FRY: variants seen among roughly 807,000 people sequenced by gnomAD.
FRY encodes the protein FRY microtubule binding protein, also known as protein furry homolog.
Under a neutral mutation model 348.4 loss-of-function variants are expected in FRY, and 128 were observed. That is an observed-to-expected ratio of 0.37 (90% CI 0.32 to 0.43). FRY has a LOEUF of 0.43. Among genes scored for constraint, FRY ranks in the 20% least tolerant of loss-of-function variants. FRY has a pLI of 1.00. For synonymous variants in FRY, 1,370 were observed against 1,374.7 expected, an observed-to-expected ratio of 1.00 and a Z score of 0.08; for missense variants, 2,736 against 3,695.2, an observed-to-expected ratio of 0.74 and a Z score of 6.73.
chr13:32,132,314 A>G (rs1879420646), intron 8 of FRY, among the ~76,000 whole-genome samples: 1 of 140,120 alleles, frequency 7.1e-6, no homozygotes, highest in Admixed American at 7.3e-5. Context: ...GGTACATAAC[A>G]AAAGAATTGC....
chr13:32,275,724 T>G (rs1311459207), intron 56 of FRY, among the ~76,000 whole-genome samples: 1 of 152,202 alleles, frequency 6.6e-6, no homozygotes, highest in African/African-American at 2.4e-5. Flanking sequence ...AACAGAGAGT[T>G]ATTGCCCTCT....
At chr13:32,089,634 G>A (rs1453001451) in intron 2 of FRY, among the ~76,000 whole-genome samples, 1 of 152,100 alleles carries the variant, frequency 6.6e-6, no homozygotes, top group Non-Finnish European at 1.5e-5. Flanking sequence ...AATTAGCCAG[G>A]CGTGGTGGCA....
intron 28 of FRY, among the ~76,000 whole-genome samples, chr13:32,190,923 T>G (rs566386406): frequency 6.6e-6 from 1 of 152,258 alleles, no homozygotes; most frequent in South Asian, 2.1e-4. Context: ...AAACGTATGG[T>G]CATTAAAACA....
chr13:32,079,129 C>T (rs1875306982), intron 2 of FRY, 96 bp downstream of exon 2: 3 of 903,224 alleles, frequency 3.3e-6, no homozygotes, highest in Non-Finnish European at 5.5e-6. Context: ...ATTGCTTTTC[C>T]TCTGGTTTGT....
chr13:32,295,125 A>G, intron 60 of FRY, 77 bp from the exon 61 acceptor site: 3 of 1,272,978 alleles, frequency 2.4e-6, no homozygotes, highest in Non-Finnish European at 2.3e-6. Context: ...TAATACTCTT[A>G]TATTAATGAA....
At chr13:32,279,605 T>A (rs1200087403) in intron 58 of FRY, among the ~76,000 whole-genome samples, 1 of 152,242 alleles carries the variant, frequency 6.6e-6, no homozygotes, top group Non-Finnish European at 1.5e-5. Context: ...CTTAGGAGGC[T>A]GCTGCCCCAT....
rs1886265835 is a variant in FRY, at chr13:32,237,109, T to A, written c.5811-270T>A. Among the ~76,000 whole-genome samples, 1 of 152,136 alleles carries A rather than the reference T, an allele frequency of 6.6e-6. No individual in the cohort carries two copies. The highest frequency in any genetic ancestry group is 1.5e-5 in the Non-Finnish European group (1 of 68,022). ...CTCCTACCCAAATTCAAGCAAAACA[T>A]AAATGAAATATCAGTAAACTTTAAG... On this transcript the variant is annotated intron_variant, in intron 43 of 60. Coordinates refer to ENST00000542859, the MANE Select transcript of FRY (RefSeq NM_023037.3). This position sits in a 1 kb window ranked among gnomAD's most constrained non-coding sequence, Gnocchi z 6.3.
At chr13:32,136,344 G>T (rs1396935680) in intron 10 of FRY, among the ~76,000 whole-genome samples, 1 of 152,132 alleles carries the variant, frequency 6.6e-6, no homozygotes, top group African/African-American at 2.4e-5. Flanking sequence ...GGTTAAATTT[G>T]TCTTGGTAGA....
At chr13:32,089,145 A>G (rs1876085723) in intron 2 of FRY, among the ~76,000 whole-genome samples, 1 of 152,228 alleles carries the variant, frequency 6.6e-6, no homozygotes, top group South Asian at 2.1e-4. Flanking sequence ...TTTCAGCAAT[A>G]GCAAGTTTTA....
chr13:32,093,014 G>A (rs763935479), intron 2 of FRY, among the ~76,000 whole-genome samples: 7 of 152,178 alleles, frequency 4.6e-5, no homozygotes, highest in Non-Finnish European at 5.9e-5. Flanking sequence ...AATTTAAAAC[G>A]TAAACATATG....
chr13:32,154,108 T>C (rs1281624890), intron 14 of FRY, among the ~76,000 whole-genome samples: 1 of 152,192 alleles, frequency 6.6e-6, no homozygotes, highest in African/African-American at 2.4e-5. Flanking sequence ...CCCACAGTTA[T>C]TATATTAGTA....
At chr13:32,075,919 G>A (rs1485705992) in intron 1 of FRY, among the ~76,000 whole-genome samples, 1 of 152,198 alleles carries the variant, frequency 6.6e-6, no homozygotes, top group East Asian at 1.9e-4. Flanking sequence ...GCTGGGCTAG[G>A]ATAGTTCCAG....
At chr13:32,287,628 AAAACGT>A (rs1889142275) in intron 58 of FRY, among the ~76,000 whole-genome samples, 1 of 144,624 alleles carries the variant, frequency 6.9e-6, no homozygotes, top group African/African-American at 2.6e-5. Context: ...AGAGAACCTA[AAAACGT>A]AAACATTATG....
chr13:32,177,525 C>T (rs1317347508), intron 20 of FRY, among the ~76,000 whole-genome samples: 6 of 151,958 alleles, frequency 3.9e-5, no homozygotes, highest in Admixed American at 1.3e-4. Flanking sequence ...ACCTGGGAGG[C>T]GGAGGTGGCA....
intron 2 of FRY, among the ~76,000 whole-genome samples, chr13:32,099,748 C>G (rs1433294936): frequency 6.6e-6 from 1 of 151,524 alleles, no homozygotes; most frequent in Admixed American, 6.6e-5. Flanking sequence ...AAACTGAGGT[C>G]TTGCTTTGAG....
chr13:32,126,133 T>C lies in FRY; in HGVS notation c.716+1258T>C, dbSNP rs565014414. On this transcript the variant is annotated intron_variant, in intron 7 of 60. Coordinates refer to ENST00000542859, the MANE Select transcript of FRY (RefSeq NM_023037.3). Reference sequence around the variant, plus strand: ...GCATTTTAAATGGACAAGCTGTAGTTATCCAGCAAATCGTGTATCTACCTC... The same window carrying C: ...GCATTTTAAATGGACAAGCTGTAGTCATCCAGCAAATCGTGTATCTACCTC... Among the ~76,000 whole-genome samples, 3 of 152,336 alleles carry C rather than the reference T, an allele frequency of 2.0e-5. 1 individual carries two copies. The Middle Eastern group carries it at 0.01, about 518-fold the overall frequency.
intron 43 of FRY, 50 bp downstream of exon 43, chr13:32,236,222 T>C: frequency 7.7e-7 from 1 of 1,290,340 alleles, no homozygotes; most frequent in Non-Finnish European, 1.1e-6. Flanking sequence ...TGCACAGGAG[T>C]ATTTGGGAGA....
intron 2 of FRY, among the ~76,000 whole-genome samples, chr13:32,100,371 A>G (rs465549): frequency 0.64 from 97,192 of 151,788 alleles, 31,575 homozygotes; most frequent in Middle Eastern, 0.69. Context: ...GAGCCAATGC[A>G]CCTGGCCGTG....
At chr13:32,076,438 A>G (rs1875061001) in intron 1 of FRY, among the ~76,000 whole-genome samples, 1 of 152,200 alleles carries the variant, frequency 6.6e-6, no homozygotes, top group Admixed American at 6.5e-5. Flanking sequence ...GAGGTGTCCT[A>G]CTTCCACAAG....
Sources: gnomAD v4.1 joint callset for allele counts (sites outside exome capture counted in the v4.1 genomes callset) on GRCh38, gnomAD v4.1.1 for gene constraint, Gnocchi (gnomAD v3.1) non-coding constraint, MANE v1.5 for transcripts, NCBI Gene and HGNC (gene_info 2026-07-23, HGNC 2026-07-21) for gene names.